The following TRIM10 variants were observed in gnomAD, a reference collection of about 807,000 sequenced individuals.
TRIM10 encodes tripartite motif-containing protein 10.
In TRIM10, 42 loss-of-function variants were observed where a neutral mutation model predicts 40.0. The ratio of observed to expected loss-of-function variants is 1.05; its 90% CI spans 0.82 to 1.36. The LOEUF (loss-of-function observed/expected upper bound fraction) is 1.36, where lower values mean the gene tolerates loss of function less well. TRIM10 is among the 40% of genes most tolerant of loss of function. The pLI, the probability that TRIM10 is intolerant of heterozygous loss-of-function variation, is 0.00. For missense variants in TRIM10, 601 were observed against 608.3 expected, an observed-to-expected ratio of 0.99 and a Z score of 0.13; for synonymous variants, 260 against 239.5, an observed-to-expected ratio of 1.09 and a Z score of -0.79.
At chr6:30,155,882 C>T in intron 5 of TRIM10, 123 bp from the exon 6 acceptor site, 1 of 868,198 alleles carries the variant, frequency 1.2e-6, no homozygotes, top group East Asian at 2.7e-5. Flanking sequence ...AGCTGGAATC[C>T]TCTAGACCAG....
chr6:30,154,200 C>T lies in TRIM10; in HGVS notation c.1215G>A (p.Val405=), dbSNP rs1022914526. 8 of 1,611,992 alleles carry T rather than the reference C, an allele frequency of 5.0e-6. No homozygotes were observed. The highest frequency in any genetic ancestry group is 1.7e-5 in the Admixed American group (1 of 59,982). Residue 405 remains valine (V), a synonymous_variant, in exon 7 of 7, where the codon GTG becomes GTA. Transcript: ENST00000449742. ...CCGAGACGAAGCCCCAAGCCAGCCT[C>T]ACAGCCCACACCCCCTCCTCTGGCC... ...RLRPEEGVWA[V]RLAWGFVSAL... is the part of the protein sequence containing the mutation.
At position 30,152,140 on chromosome 6, in the gene TRIM10, T is replaced by A. The variant is rs1772064182; in HGVS notation, c.*1829A>T. The A allele has an allele frequency of 6.6e-6, 1 of 152,198 alleles. No individual in the cohort carries two copies. Among genetic ancestry groups the A allele is most frequent in the Admixed American group, 6.5e-5 (1 of 15,294 alleles). 9.4% of individuals were successfully genotyped at this position (152,198 alleles called of 1,614,324 possible). On this transcript the variant is annotated 3_prime_UTR_variant, in exon 7 of 7. Transcript: ENST00000449742. ...CAGGACCCATGCAGGCATCTATCTC[T>A]GAATGAGGCAGTGCAGCATAGCAGT...
At chr6:30,155,868 T>C (rs958468128) in intron 5 of TRIM10, 109 bp from the exon 6 acceptor site, 3 of 1,053,326 alleles carry the variant, frequency 2.8e-6, no homozygotes, top group East Asian at 2.6e-5. Context: ...AGAAGAAGAA[T>C]GTAAGCTGGA....
In TRIM10 at chr6:30,160,737, G is replaced by T. The variant is rs573708904; in HGVS notation, c.122C>A (p.Thr41Asn). 1 of 1,614,220 alleles carries T rather than the reference G, an allele frequency of 6.2e-7. No individual in the cohort carries two copies. The highest frequency in any genetic ancestry group is 1.7e-5 in the Admixed American group (1 of 60,030). ...CGHNFCRACL[T>N]RYCEIPGPDL... ...TGGGCCTGGTATCTCACAGTAGCGG[G>T]TAAGGCAGGCCCGGCAGAAGTTGTG... Residue 41 changes from threonine to asparagine, a missense_variant, in exon 1 of 7, where the codon ACC becomes AAC. Coordinates refer to ENST00000449742, the MANE Select transcript of TRIM10 (RefSeq NM_006778.4).
At position 30,154,095 on chromosome 6, in the gene TRIM10, G is replaced by C. The variant is rs779226063; in HGVS notation, c.1320C>G (p.Gly440=). 6.8e-6 allele frequency: 11 copies of C among 1,613,010 alleles called. No individual in the cohort carries two copies. Among genetic ancestry groups the C allele is most frequent in the Non-Finnish European group, 9.3e-6 (11 of 1,180,004 alleles). ...TGACAGCGTTGGTGAAGGTCACCCA[G>C]CCCACCTCATAGTCAAGAGACACCC... ...QVRVSLDYEV[G]WVTFTNAVTR... Residue 440 remains glycine, a synonymous_variant, in exon 7 of 7, where the codon GGC becomes GGG. Transcript: ENST00000449742.
In TRIM10 at chr6:30,160,511, C is replaced by A. The variant is rs1376527306; in HGVS notation, c.348G>T (p.Gln116His). The change falls in exon 1 of 7, where the codon CAG becomes CAT. Residue 116 changes from glutamine to histidine, a missense_variant. Gln to His is a conservative substitution (Grantham distance 24, BLOSUM62 0). Transcript: ENST00000449742. Reference protein sequence around the residue: ...IYFFCEDDEMQLCVVCREAGE... With the variant: ...IYFFCEDDEMHLCVVCREAGE... ...CAGCCTCCCGGCACACCACGCACAA[C>A]TGCATCTCATCATCCTCACAGAAGA... is the stretch of plus-strand genomic sequence containing the variant. 1 of 1,614,238 alleles carries A rather than the reference C, an allele frequency of 6.2e-7. No individual in the cohort carries two copies. Among genetic ancestry groups the A allele is most frequent in the Admixed American group, 1.7e-5 (1 of 60,034 alleles).
At chr6:30,162,028 C>A (rs1773135940), upstream of TRIM10, among the ~76,000 whole-genome samples, 1 of 148,810 alleles carries the variant, frequency 6.7e-6, no homozygotes, top group South Asian at 2.2e-4. Context: ...GTAATCCCAG[C>A]ACTTTGGGAG....
At chr6:30,163,773 C>T, upstream of TRIM10, 1 of 1,613,012 alleles carries the variant, frequency 6.2e-7, no homozygotes, top group Non-Finnish European at 8.5e-7. Flanking sequence ...GTGACCATTC[C>T]CTGTGGACAC....
At position 30,154,017 on chromosome 6, in the gene TRIM10, G is replaced by T; in HGVS notation, c.1398C>A (p.Pro466=). 6.2e-7 allele frequency: 1 copy of T among 1,609,522 alleles called. No individual in the cohort carries two copies. The highest frequency in any genetic ancestry group is 8.5e-7 in the Non-Finnish European group (1 of 1,177,142). ...ACCCTCGGCCCCAGAGCCCAAAGAA[G>T]GGAATGACCTTCCTAGTGAAGGAGG... The part of the protein sequence containing the change: ...FTASFTRKVI[P]FFGLWGRGSS... Residue 466 remains proline (P), a synonymous_variant, in exon 7 of 7, where the codon CCC becomes CCA. Coordinates refer to ENST00000449742, the MANE Select transcript of TRIM10 (RefSeq NM_006778.4).
At chr6:30,163,554 TTCTC>T (rs1562136672), upstream of TRIM10, 6 of 1,136,864 alleles carry the variant, frequency 5.3e-6, no homozygotes, top group Non-Finnish European at 5.9e-6. Flanking sequence ...CTCTCTCTCT[TTCTC>T]TCTCTCTGTC....
chr6:30,155,584 T>C (rs1772457328), intron 6 of TRIM10, 143 bp downstream of exon 6: 1 of 641,036 alleles, frequency 1.6e-6, no homozygotes, highest in Non-Finnish European at 2.7e-6. Flanking sequence ...GTATATATAA[T>C]ATATATGATG....
intron 6 of TRIM10, 149 bp from the exon 7 acceptor site, chr6:30,154,635 C>G: frequency 2.1e-6 from 2 of 968,084 alleles, no homozygotes; most frequent in East Asian, 5.2e-5. Context: ...GTGGAACCAC[C>G]TGGGAACTTG....
chr6:30,153,546 A>C lies in TRIM10; in HGVS notation c.*423T>G. On this transcript the variant is annotated 3_prime_UTR_variant, in exon 7 of 7. Coordinates refer to ENST00000449742, the MANE Select transcript of TRIM10 (RefSeq NM_006778.4). ...TAGTTAACACAAACTAAATGGTTCT[A>C]GAGAATGTGATTACATGAACTCTAA... is the stretch of plus-strand genomic sequence containing the variant. The C allele has an allele frequency of 1.3e-6, 1 of 768,398 alleles. No homozygotes were observed. Among genetic ancestry groups the C allele is most frequent in the Non-Finnish European group, 2.2e-6 (1 of 460,514 alleles). 47.6% of individuals were successfully genotyped at this position (768,398 alleles called of 1,614,324 possible).
intron 2 of TRIM10, 49 bp downstream of exon 2, chr6:30,159,101 A>C (rs762849357): frequency 7.9e-7 from 1 of 1,262,968 alleles, no homozygotes; most frequent in Non-Finnish European, 1.2e-6. Flanking sequence ...TCAGGAAGAC[A>C]CTGGACCCTG....
chr6:30,157,402 G>A lies in TRIM10; in HGVS notation c.757-11C>T. 1 of 1,592,938 alleles carries A rather than the reference G, an allele frequency of 6.3e-7. No homozygotes were observed. The highest frequency in any genetic ancestry group is 8.5e-7 in the Non-Finnish European group (1 of 1,173,340). On this transcript the variant is annotated splice_polypyrimidine_tract_variant and intron_variant, in intron 3 of 6. Coordinates refer to ENST00000449742, the MANE Select transcript of TRIM10 (RefSeq NM_006778.4). ...AGTGCTTCTGATGTCCTAGGAGAAA[G>A]AGATACCAGAAATTCAGTTTCCAGC... is the stretch of plus-strand genomic sequence containing the variant.
At chr6:30,156,710 T>C in intron 5 of TRIM10, 1 of 642,358 alleles carries the variant, frequency 1.6e-6, no homozygotes, top group Non-Finnish European at 2.8e-6. Flanking sequence ...TGAATTATTT[T>C]AAAATCAGTT....
At chr6:30,157,094 C>T in intron 4 of TRIM10, 40 bp from the exon 5 acceptor site, 3 of 1,580,578 alleles carry the variant, frequency 1.9e-6, no homozygotes, top group Non-Finnish European at 2.6e-6. Flanking sequence ...AATTATCATC[C>T]TTAATAATGT....
rs1772780225 is a variant in TRIM10 at position 30,158,514 on chromosome 6, A to G, written c.641T>C (p.Ile214Thr). 1.2e-6 allele frequency: 2 copies of G among 1,613,064 alleles called. No individual in the cohort carries two copies. Among genetic ancestry groups the G allele is most frequent in the Non-Finnish European group, 1.7e-6 (2 of 1,180,026 alleles). The change falls in exon 3 of 7, where the codon ATC (isoleucine) becomes ACC (threonine). Residue 214 changes from isoleucine (I) to threonine (T), a missense_variant. Transcript: ENST00000449742. ...ATCAAATTCATCCCGTTGCCTCAAG[A>G]TGTCCCCATCCTGGCTCTCCAATTG... The part of the protein sequence containing the change: ...LAQLESQDGD[I>T]LRQRDEFDLL...
Position 30,157,408 on chromosome 6 carries a change from C to G in TRIM10, c.757-17G>C, listed in dbSNP as rs1197814393. ...TCTGATGTCCTAGGAGAAAGAGATA[C>G]CAGAAATTCAGTTTCCAGCTTCTCC... On this transcript the variant is annotated splice_polypyrimidine_tract_variant and intron_variant, in intron 3 of 6. Coordinates refer to ENST00000449742, the MANE Select transcript of TRIM10 (RefSeq NM_006778.4). 2.5e-6 allele frequency: 4 copies of G among 1,591,042 alleles called. No homozygotes were observed.
Sources: allele counts gnomAD v4.1 joint callset (sites outside exome capture counted in the v4.1 genomes callset), GRCh38; gene constraint gnomAD v4.1.1; transcripts MANE v1.5; gene names NCBI Gene and HGNC (gene_info 2026-07-23, HGNC 2026-07-21).